The following ADARB1 variants were observed in gnomAD, a reference collection of about 807,000 sequenced individuals.
The protein encoded by ADARB1 is double-stranded RNA-specific editase 1.
Under a neutral mutation model 52.4 loss-of-function variants are expected in ADARB1, and 10 were observed. That is an observed-to-expected ratio of 0.19 (90% CI 0.12 to 0.32). ADARB1 has a LOEUF of 0.32. ADARB1 is among the 10% of genes least tolerant of loss of function. The pLI is 1.00. For synonymous variants in ADARB1, 349 were observed against 371.1 expected, an observed-to-expected ratio of 0.94 and a Z score of 0.68; for missense variants, 643 against 922.3, an observed-to-expected ratio of 0.70 and a Z score of 3.92.
Position 45,220,756 on chromosome 21 carries a change from C to A in ADARB1, c.1748-80C>A. Reference sequence around the variant, plus strand: ...ACGCACTTCTGTGGCCATGTCTGAGCACAGTGTGCCGCCCGTGGCTGCTCC... The same window carrying A: ...ACGCACTTCTGTGGCCATGTCTGAGAACAGTGTGCCGCCCGTGGCTGCTCC... On this transcript the variant is annotated intron_variant, in intron 9 of 10. Transcript: ENST00000348831. This position sits in a 1 kb window ranked among gnomAD's most constrained non-coding sequence, Gnocchi z 6.3. 1 of 1,493,596 alleles carries A rather than the reference C, an allele frequency of 6.7e-7. No homozygotes were observed. Among genetic ancestry groups the A allele is most frequent in the Admixed American group, 1.7e-5 (1 of 57,676 alleles). 92.5% of individuals were successfully genotyped at this position (1,493,596 alleles called of 1,614,324 possible).
chr21:45,133,556 C>A, intron 2 of ADARB1: 1 of 176,158 alleles, frequency 5.7e-6, no homozygotes, highest in Non-Finnish European at 1.2e-5. Context: ...ATCATGTTCA[C>A]AGTTCCTCCC....
At chr21:45,121,607 C>CTCTG in intron 1 of ADARB1, among the ~76,000 whole-genome samples, 1 of 152,292 alleles carries the variant, frequency 6.6e-6, no homozygotes, top group South Asian at 2.1e-4. Context: ...TCTCGTGTGT[C>CTCTG]TCTGCACTGC....
chr21:45,166,407 G>A (rs942114329), intron 2 of ADARB1, among the ~76,000 whole-genome samples: 1 of 152,096 alleles, frequency 6.6e-6, no homozygotes, highest in Non-Finnish European at 1.5e-5. Flanking sequence ...CTTCCATGTC[G>A]GCACCCAGTG....
chr21:45,197,123 A>T (rs2092441656), intron 8 of ADARB1, among the ~76,000 whole-genome samples: 1 of 152,212 alleles, frequency 6.6e-6, no homozygotes, highest in Non-Finnish European at 1.5e-5. Flanking sequence ...GGTTGCAGTG[A>T]GCTGAGATTG....
At chr21:45,094,120 T>C (rs529573737) in intron 1 of ADARB1, among the ~76,000 whole-genome samples, 43 of 152,356 alleles carry the variant, frequency 2.8e-4, no homozygotes, top group Admixed American at 1.3e-3. Flanking sequence ...TTGATGACTT[T>C]GTGTTTAAAA....
intron 2 of ADARB1, among the ~76,000 whole-genome samples, chr21:45,168,440 T>C (rs1331391243): frequency 1.3e-5 from 2 of 152,256 alleles, no homozygotes; most frequent in Non-Finnish European, 2.9e-5. Flanking sequence ...AAAAGTTTTA[T>C]AGTTTTATGT....
intron 2 of ADARB1, among the ~76,000 whole-genome samples, chr21:45,153,738 G>T (rs949248467): frequency 6.6e-6 from 1 of 152,306 alleles, no homozygotes; most frequent in African/African-American, 2.4e-5. Context: ...TCTGTGCACC[G>T]TGCTGCCAGG....
In ADARB1 at chr21:45,152,621, A is replaced by G. The variant is rs1240595527; in HGVS notation, c.-47-18989A>G. 6.8e-6 allele frequency: 3 copies of G among 441,188 alleles called. No homozygotes were observed. The East Asian group carries it at 2.2e-4, about 33-fold the overall frequency. The allele number at this position is 441,188 out of a possible 1,614,324, so 27.3% of individuals were successfully genotyped here. A position where few individuals can be genotyped will look rare whatever the true frequency, so the allele number is the denominator to read the frequency against. On this transcript the variant is annotated intron_variant, in intron 2 of 10. Transcript: ENST00000348831. ...TTGGCGTGTCTGCATGGCGTCGTCC[A>G]CCACTGGGCCTTTGCACATGGGGAC...
intron 1 of ADARB1, among the ~76,000 whole-genome samples, chr21:45,083,664 G>C (rs1203931396): frequency 6.6e-6 from 1 of 152,200 alleles, no homozygotes; most frequent in African/African-American, 2.4e-5. Context: ...AAATACATTT[G>C]ATTCAACTGT....
chr21:45,134,484 G>A (rs2089242863), intron 2 of ADARB1, among the ~76,000 whole-genome samples: 1 of 151,470 alleles, frequency 6.6e-6, no homozygotes, highest in Non-Finnish European at 1.5e-5. Context: ...GCCCGGCAGG[G>A]GTACGTACAC....
At chr21:45,161,084 T>G (rs2090936943) in intron 2 of ADARB1, among the ~76,000 whole-genome samples, 2 of 152,326 alleles carry the variant, frequency 1.3e-5, no homozygotes, top group South Asian at 4.1e-4. Flanking sequence ...AATATCAGTT[T>G]TTGTAGTGTG....
At chr21:45,154,528 T>C (rs2090458666) in intron 2 of ADARB1, among the ~76,000 whole-genome samples, 1 of 152,226 alleles carries the variant, frequency 6.6e-6, no homozygotes, top group African/African-American at 2.4e-5. Context: ...ACTGATACAA[T>C]GTACGCCTTT....
chr21:45,091,277 A>G (rs1455271068), intron 1 of ADARB1, among the ~76,000 whole-genome samples: 1 of 152,110 alleles, frequency 6.6e-6, no homozygotes, highest in Non-Finnish European at 1.5e-5. Context: ...AATCAATCCG[A>G]TTTCTTCCAC....
At chr21:45,081,208 G>C (rs1355099628) in intron 1 of ADARB1, among the ~76,000 whole-genome samples, 1 of 152,148 alleles carries the variant, frequency 6.6e-6, no homozygotes, top group Non-Finnish European at 1.5e-5. Flanking sequence ...GGAGGATGCG[G>C]TGGAGAAGGA....
rs553373695 is a variant in ADARB1, at chr21:45,183,110, C to A, written c.1248-252C>A. ...CATGTATCCAAACTCCTTTTCTTTACAAAGCCATTTTTTGTATGTGGTCTT... is the reference window on the plus strand; with the variant it reads ...CATGTATCCAAACTCCTTTTCTTTAAAAAGCCATTTTTTGTATGTGGTCTT... On this transcript the variant is annotated intron_variant, in intron 6 of 10. Transcript: ENST00000348831. Among the ~76,000 whole-genome samples the A allele has an allele frequency of 2.6e-5, 4 of 152,298 alleles. No individual in the cohort carries two copies. In the East Asian group the frequency reaches 7.7e-4, roughly 29 times the overall value.
intron 8 of ADARB1, among the ~76,000 whole-genome samples, chr21:45,193,564 T>C (rs1465066309): frequency 6.6e-6 from 1 of 152,206 alleles, no homozygotes. Context: ...AAGAAATCAG[T>C]GGTATCCATA....
intron 2 of ADARB1, among the ~76,000 whole-genome samples, chr21:45,130,875 A>G (rs2088889310): frequency 6.6e-6 from 1 of 152,196 alleles, no homozygotes; most frequent in African/African-American, 2.4e-5. Context: ...GGGGGGATAC[A>G]ATAGATAGAA....
intron 1 of ADARB1, among the ~76,000 whole-genome samples, chr21:45,095,558 T>TGCTGTTTCAGGGTTCTGCATCCC (rs1294652699): frequency 1.4e-4 from 22 of 152,070 alleles, no homozygotes; most frequent in African/African-American, 4.1e-4. Context: ...TTCTGCATCC[T>TGCTGTTTCAGGGTTCTGCATCCC]GCTGTTTCAG....
At chr21:45,108,374 ATGG>A (rs1395338419) in intron 1 of ADARB1, among the ~76,000 whole-genome samples, 1 of 152,216 alleles carries the variant, frequency 6.6e-6, no homozygotes, top group Non-Finnish European at 1.5e-5. Context: ...TTAATTGGAA[ATGG>A]TGTATTAAAT....
Sources: gnomAD v4.1 joint callset for allele counts (sites outside exome capture counted in the v4.1 genomes callset) on GRCh38, gnomAD v4.1.1 for gene constraint, Gnocchi (gnomAD v3.1) non-coding constraint, MANE v1.5 for transcripts, NCBI Gene and HGNC (gene_info 2026-07-23, HGNC 2026-07-21) for gene names.